IQCE: variants seen among roughly 807,000 people sequenced by gnomAD.
IQCE encodes the protein IQ domain-containing protein E.
IQCE carries 115 observed loss-of-function variants against 96.0 expected under a neutral mutation model. The ratio of observed to expected loss-of-function variants is 1.20; its 90% CI spans 1.03 to 1.40. IQCE has a LOEUF of 1.40. Ranked by LOEUF, IQCE falls within the 40% of genes most tolerant of loss-of-function variation. The probability of loss-of-function intolerance (pLI) is 0.00; values close to 1 mark genes in which losing one functional copy is unlikely to be tolerated. For synonymous variants in IQCE, 412 were observed against 371.2 expected, an observed-to-expected ratio of 1.11 and a Z score of -1.26; for missense variants, 1,041 against 909.1, an observed-to-expected ratio of 1.15 and a Z score of -1.87.
rs181497553 is a variant in IQCE, at chr7:2,595,859, A to G, written c.1440+883A>G. Among the ~76,000 whole-genome samples the G allele has an allele frequency of 8.1e-3, 1,211 of 150,366 alleles. 15 individuals are homozygous for G. Among genetic ancestry groups the G allele is most frequent in the African/African-American group, 0.027 (1,119 of 40,722 alleles). ...TGCACTTGCTTCCCTGGAGGGTCAC[A>G]GCCATGCTCTGCTCACCATGGCCGG... On this transcript the variant is annotated intron_variant, in intron 16 of 21. Coordinates refer to ENST00000402050, the MANE Select transcript of IQCE (RefSeq NM_152558.5).
intron 12 of IQCE, among the ~76,000 whole-genome samples, chr7:2,586,854 C>G (rs922615860): frequency 6.6e-6 from 1 of 152,044 alleles, no homozygotes; most frequent in Non-Finnish European, 1.5e-5. Context: ...GAGTGTGGCC[C>G]CTGAGGCCCA....
At chr7:2,578,579 G>A in intron 8 of IQCE, 53 bp downstream of exon 8, 6 of 1,592,270 alleles carry the variant, frequency 3.8e-6, no homozygotes, top group Non-Finnish European at 5.2e-6. Context: ...AGTTACTGGG[G>A]ACAGCCACAG....
At chr7:2,564,068 C>G (rs2128427388) in intron 1 of IQCE, among the ~76,000 whole-genome samples, 1 of 151,400 alleles carries the variant, frequency 6.6e-6, no homozygotes, top group East Asian at 2.0e-4. Context: ...AAAAATTAGC[C>G]TGACATGGTG....
chr7:2,592,066 C>T (rs913810391), intron 14 of IQCE, among the ~76,000 whole-genome samples: 1 of 151,862 alleles, frequency 6.6e-6, no homozygotes, highest in African/African-American at 2.4e-5. Context: ...GGATTACAGG[C>T]GTGAGCCACC....
intron 15 of IQCE, among the ~76,000 whole-genome samples, chr7:2,594,579 G>A (rs1434453929): frequency 1.3e-5 from 2 of 152,226 alleles, no homozygotes; most frequent in African/African-American, 2.4e-5. Context: ...TTCACACAAC[G>A]GATTCTTTTT....
intron 1 of IQCE, among the ~76,000 whole-genome samples, chr7:2,561,764 C>G (rs1191591438): frequency 6.6e-6 from 1 of 152,200 alleles, no homozygotes; most frequent in East Asian, 1.9e-4. Flanking sequence ...TGCAAACTTG[C>G]TGAACTCATT....
chr7:2,591,340 G>A (rs964010393), intron 14 of IQCE, among the ~76,000 whole-genome samples: 3 of 152,080 alleles, frequency 2.0e-5, no homozygotes, highest in Non-Finnish European at 2.9e-5. Flanking sequence ...GGGGGTTCTG[G>A]AGTTCCATGA....
chr7:2,578,526 G>T lies in IQCE; in HGVS notation c.630G>T (p.Trp210Cys). The T allele has an allele frequency of 1.2e-6, 2 of 1,614,166 alleles. No homozygotes were observed. The highest frequency in any genetic ancestry group is 1.7e-6 in the Non-Finnish European group (2 of 1,179,990). Residue 210 changes from tryptophan (W) to cysteine (C), a missense_variant and splice_region_variant, in exon 8 of 22, where the codon TGG becomes TGT. Trp to Cys is a radical substitution (Grantham distance 215). Coordinates refer to ENST00000402050, the MANE Select transcript of IQCE (RefSeq NM_152558.5). ...TLAEKRPDAS[W>C]VINGLKQRIL... ...CAGAGAAAAGGCCCGATGCCAGTTG[G>T]GTGAGTATGGTGTGTGCAGGACAGA...
Position 2,610,617 on chromosome 7 carries a change from C to A in IQCE, c.*455C>A. On this transcript the variant is annotated 3_prime_UTR_variant, in exon 22 of 22. Transcript: ENST00000402050. ...CTCAGCCCAGCAGGCCAGGCAGACA[C>A]ACCCCGCTGTGCCTTAGGAAGGTGT... 5.6e-6 allele frequency: 1 copy of A among 178,876 alleles called. No homozygotes were observed. The highest frequency in any genetic ancestry group is 1.2e-5 in the Non-Finnish European group (1 of 84,256). 11.1% of individuals were successfully genotyped at this position (178,876 alleles called of 1,614,324 possible).
intron 6 of IQCE, among the ~76,000 whole-genome samples, chr7:2,575,586 T>A (rs1039152092): frequency 6.6e-6 from 1 of 151,784 alleles, no homozygotes; most frequent in African/African-American, 2.4e-5. Flanking sequence ...GGTGAGTGTC[T>A]GGGCTCCCCA....
rs1352467284 is a variant in IQCE at position 2,598,581 on chromosome 7, A to G, written c.1557A>G (p.Arg519=). 5 of 1,604,846 alleles carry G rather than the reference A, an allele frequency of 3.1e-6. No individual in the cohort carries two copies. Among genetic ancestry groups the G allele is most frequent in the Non-Finnish European group, 3.4e-6 (4 of 1,176,160 alleles). The stretch of plus-strand genomic sequence containing the variant: ...GCTCCCCCTGCTCTGATGGGAGAAG[A>G]GACGCCGCGGCCAGAGTCCTGCAGG... ...RPRSPCSDGR[R]DAAARVLQAQ... The change falls in exon 17 of 22, where the codon AGA becomes AGG. Residue 519 remains arginine (R), a synonymous_variant. Coordinates refer to ENST00000402050, the MANE Select transcript of IQCE (RefSeq NM_152558.5).
chr7:2,575,753 A>G (rs1459307867), intron 6 of IQCE, among the ~76,000 whole-genome samples: 3 of 152,206 alleles, frequency 2.0e-5, no homozygotes, highest in Middle Eastern at 3.4e-3. Context: ...GTCTGCACCC[A>G]TTGGCTTTTT....
intron 1 of IQCE, among the ~76,000 whole-genome samples, chr7:2,563,528 G>A (rs1227220392): frequency 6.6e-6 from 1 of 151,870 alleles, no homozygotes; most frequent in Middle Eastern, 3.2e-3. Flanking sequence ...TTTTTAAGGT[G>A]GAAGATTAGG....
Position 2,559,206 on chromosome 7 carries a change from G to T in IQCE, c.25G>T (p.Ala9Ser). The change falls in exon 1 of 22, where the codon GCC (alanine) becomes TCC (serine). Residue 9 changes from alanine (A) to serine (S), a missense_variant. Transcript: ENST00000402050. ...CATGTTCCTGGGCACCGGGGAGCCG[G>T]CCTTGGACACGGTAAGAACGGGCGA... The part of the protein sequence containing the change: MFLGTGEP[A>S]LDTGDDSLSA... The T allele has an allele frequency of 8.2e-7, 1 of 1,216,882 alleles. No homozygotes were observed. The allele number at this position is 1,216,882 out of a possible 1,614,324, so 75.4% of individuals were successfully genotyped here.
intron 3 of IQCE, among the ~76,000 whole-genome samples, chr7:2,570,992 AATTCATAT>A (rs1428978638): frequency 6.6e-6 from 1 of 152,084 alleles, no homozygotes; most frequent in Non-Finnish European, 1.5e-5. Flanking sequence ...ATGTTGGTAG[AATTCATAT>A]ATTTCCCATT....
rs1386406082 is a variant in IQCE at position 2,611,148 on chromosome 7, C to CTGGGCTGGGCTGGGCTGGGCT, written c.*986_*987insTGGGCTGGGCTGGGCTGGGCT. On this transcript the variant is annotated 3_prime_UTR_variant, in exon 22 of 22. Coordinates refer to ENST00000402050, the MANE Select transcript of IQCE (RefSeq NM_152558.5). The stretch of plus-strand genomic sequence containing the variant: ...CTGGGCTGGGCTGGGCTGGGCCGGG[C>CTGGGCTGGGCTGGGCTGGGCT]GTGCGGAGCCTGTGGAGCCAGCAGC... 2 of 152,336 alleles carry CTGGGCTGGGCTGGGCTGGGCT rather than the reference C, an allele frequency of 1.3e-5. No homozygotes were observed. The highest frequency in any genetic ancestry group is 4.9e-5 in the African/African-American group (2 of 41,136). The allele number at this position is 152,336 out of a possible 1,614,324, so 9.4% of individuals were successfully genotyped here.
intron 1 of IQCE, among the ~76,000 whole-genome samples, chr7:2,562,952 A>G (rs1336319852): frequency 6.6e-6 from 1 of 151,230 alleles, no homozygotes; most frequent in Non-Finnish European, 1.5e-5. Flanking sequence ...CAGAGACAGA[A>G]CCTCACTCTG....
intron 6 of IQCE, among the ~76,000 whole-genome samples, chr7:2,573,810 C>T (rs148705587): frequency 1.4e-3 from 217 of 152,326 alleles, no homozygotes; most frequent in African/African-American, 4.9e-3. Context: ...GATAAGGTCA[C>T]TGGTAGAGTC....
intron 12 of IQCE, among the ~76,000 whole-genome samples, 186 bp downstream of exon 12, chr7:2,586,557 C>A (rs1032356213): frequency 2.0e-5 from 3 of 152,228 alleles, no homozygotes; most frequent in African/African-American, 7.2e-5. Flanking sequence ...GATGGAGCCG[C>A]AAACAGAAGC....
Sources: allele counts gnomAD v4.1 joint callset (sites outside exome capture counted in the v4.1 genomes callset), GRCh38; gene constraint gnomAD v4.1.1; transcripts MANE v1.5; gene names NCBI Gene and HGNC (gene_info 2026-07-23, HGNC 2026-07-21).